TM4SF1: variants seen among roughly 807,000 people sequenced by gnomAD.
TM4SF1 encodes transmembrane 4 L6 family member 1.
In TM4SF1, 20 loss-of-function variants were observed where a neutral mutation model predicts 24.5. The observed-to-expected ratio is 0.82, with a 90% CI of 0.57 to 1.19. The LOEUF (loss-of-function observed/expected upper bound fraction) is 1.19, where lower values mean the gene tolerates loss of function less well. TM4SF1 is among the 50% of genes most tolerant of loss of function. The pLI is 0.00. For missense variants in TM4SF1, 258 were observed against 248.1 expected (o/e 1.04, Z -0.27); for synonymous variants, 107 against 95.4 (o/e 1.12, Z -0.71).
At position 149,369,755 on chromosome 3, in the gene TM4SF1, A is replaced by G; in HGVS notation, c.*111T>C. 7.3e-7 allele frequency: 1 copy of G among 1,365,224 alleles called. No individual in the cohort carries two copies. Among genetic ancestry groups the G allele is most frequent in the Non-Finnish European group, 1.0e-6 (1 of 982,866 alleles). 84.6% of individuals were successfully genotyped at this position (1,365,224 alleles called of 1,614,324 possible). On this transcript the variant is annotated 3_prime_UTR_variant, in exon 5 of 5. Transcript: ENST00000305366. ...TCTTTACAGGCGTTTGTAAAAGTAG[A>G]CTGTGGGGAGTATGTTACACTAATA...
intron 4 of TM4SF1, chr3:149,370,103 GAAAC>G: frequency 2.2e-6 from 1 of 459,948 alleles, no homozygotes; most frequent in Non-Finnish European, 3.8e-6. Flanking sequence ...AGGGCCCATA[GAAAC>G]TGCAGGATAC....
chr3:149,369,743 T>A lies in TM4SF1; in HGVS notation c.*123A>T. ...TGAAGATGCCAGTCTTTACAGGCGT[T>A]TGTAAAAGTAGACTGTGGGGAGTAT... On this transcript the variant is annotated 3_prime_UTR_variant, in exon 5 of 5. Coordinates refer to ENST00000305366, the MANE Select transcript of TM4SF1 (RefSeq NM_014220.3). The A allele has an allele frequency of 8.1e-7, 1 of 1,232,156 alleles. No homozygotes were observed. Among genetic ancestry groups the A allele is most frequent in the South Asian group, 1.4e-5 (1 of 72,670 alleles). 76.3% of individuals were successfully genotyped at this position (1,232,156 alleles called of 1,614,324 possible).
In TM4SF1 at chr3:149,377,449, C is replaced by T. The variant is rs2108380826; in HGVS notation, c.99G>A (p.Gly33=). The T allele has an allele frequency of 6.2e-7, 1 of 1,614,146 alleles. No homozygotes were observed. Among genetic ancestry groups the T allele is most frequent in the Non-Finnish European group, 8.5e-7 (1 of 1,180,030 alleles). The change falls in exon 1 of 5, where the codon GGG becomes GGA. Residue 33 remains glycine, a synonymous_variant. Transcript: ENST00000305366. ...AANILLYFPN[G]ETKYASENHL... ...GGTTTTCGGAGGCATACTTTGTTTC[C>T]CCATTGGGAAAGTAAAGCAAAATAT...
intron 4 of TM4SF1, chr3:149,370,882 TAA>T (rs1044545475): frequency 1.8e-4 from 28 of 152,252 alleles, no homozygotes; most frequent in Middle Eastern, 3.4e-3. Context: ...ATATAAGACA[TAA>T]AATAACCCTC....
intron 4 of TM4SF1, chr3:149,370,347 G>A (rs1731792345): frequency 6.4e-6 from 1 of 155,542 alleles, no homozygotes. Flanking sequence ...CTGGGAAGAA[G>A]CCATCCCTAC....
intron 3 of TM4SF1, among the ~76,000 whole-genome samples, chr3:149,374,405 C>A (rs554157888): frequency 5.9e-5 from 9 of 152,220 alleles, no homozygotes; most frequent in African/African-American, 2.2e-4. Context: ...TATTTTTAAT[C>A]ATGAATCTCA....
At chr3:149,371,899 G>C (rs757475596) in intron 3 of TM4SF1, 32 bp from the exon 4 acceptor site, 2 of 1,605,582 alleles carry the variant, frequency 1.2e-6, no homozygotes, top group Non-Finnish European at 1.7e-6. Flanking sequence ...TCTGACACAC[G>C]GTCATACTTG....
chr3:149,377,501 C>A lies in TM4SF1; in HGVS notation c.47G>T (p.Gly16Val), dbSNP rs760302476. 2 of 1,613,956 alleles carry A rather than the reference C, an allele frequency of 1.2e-6. No individual in the cohort carries two copies. Among genetic ancestry groups the A allele is most frequent in the Non-Finnish European group, 1.7e-6 (2 of 1,180,030 alleles). ...CARCIGHSLV[G>V]LALLCIAANI... is the part of the protein sequence containing the mutation. ...AGCCGCGATGCACAGGAGGGCGAGC[C>A]CCACCAGAGAATGTCCGATGCATCG... The change falls in exon 1 of 5, where the codon GGG (glycine) becomes GTG (valine). Residue 16 changes from glycine to valine, a missense_variant. Physicochemically the swap from Gly to Val is moderately radical, Grantham distance 109. Transcript: ENST00000305366.
In TM4SF1 at chr3:149,371,764, C is replaced by T. The variant is rs1228551029; in HGVS notation, c.517G>A (p.Glu173Lys). Reference sequence around the variant, plus strand: ...ACTTGAATAAGACACAAGATGAATTCAATTCCACCAAGAGCCAAGAGGATA... The same window carrying T: ...ACTTGAATAAGACACAAGATGAATTTAATTCCACCAAGAGCCAAGAGGATA... ...FSILLALGGI[E>K]FILCLIQVIN... is the part of the protein sequence containing the mutation. Residue 173 changes from glutamate (E) to lysine (K), a missense_variant, in exon 4 of 5, where the codon GAA becomes AAA. Physicochemically the swap from Glu to Lys is moderately conservative, Grantham distance 56. Transcript: ENST00000305366. 1.2e-6 allele frequency: 2 copies of T among 1,613,988 alleles called. No individual in the cohort carries two copies. Among genetic ancestry groups the T allele is most frequent in the African/African-American group, 1.3e-5 (1 of 74,900 alleles).
At chr3:149,377,260 A>C in intron 1 of TM4SF1, 111 bp downstream of exon 1, 1 of 1,386,412 alleles carries the variant, frequency 7.2e-7, no homozygotes, top group African/African-American at 1.4e-5. Context: ...AACAGCAACA[A>C]AAAAGTCACT....
rs115709295 is a variant in TM4SF1, at chr3:149,373,781, G to A, written c.413+1662C>T. Among the ~76,000 whole-genome samples, 433 of 152,294 alleles carry A rather than the reference G, an allele frequency of 2.8e-3. 2 individuals carry two copies. The highest frequency in any genetic ancestry group is 9.4e-3 in the African/African-American group (392 of 41,554). On this transcript the variant is annotated intron_variant, in intron 3 of 4. Coordinates refer to ENST00000305366, the MANE Select transcript of TM4SF1 (RefSeq NM_014220.3). Reference sequence around the variant, plus strand: ...ACATAGAAGAGGAGGAAGGTTTCTTGTAGAATCCAGAGTGGATAATGGGAG... The same window carrying A: ...ACATAGAAGAGGAGGAAGGTTTCTTATAGAATCCAGAGTGGATAATGGGAG...
chr3:149,373,955 AG>A (rs1731891940), intron 3 of TM4SF1, among the ~76,000 whole-genome samples: 1 of 152,238 alleles, frequency 6.6e-6, no homozygotes, highest in Non-Finnish European at 1.5e-5. Context: ...ATTTTCTACT[AG>A]TACATCCAGT....
Position 149,375,692 on chromosome 3 carries a change from G to A in TM4SF1, c.255C>T (p.Gly85=), listed in dbSNP as rs776570514. The change falls in exon 2 of 5, where the codon GGC becomes GGT. Residue 85 remains glycine (G), a synonymous_variant. Transcript: ENST00000305366. Reference sequence around the variant, plus strand: ...CAGGAGGACCTACCGCACATCGTTTGCCACAGTTTTCATGGCCACAGCAGC... The same window carrying A: ...CAGGAGGACCTACCGCACATCGTTTACCACAGTTTTCATGGCCACAGCAGC... ...CCGCCGHENC[G]KRCAMLSSVL... 4.3e-6 allele frequency: 7 copies of A among 1,614,068 alleles called. No individual in the cohort carries two copies. Among genetic ancestry groups the A allele is most frequent in the African/African-American group, 1.3e-5 (1 of 74,920 alleles).
rs1731769599 is a variant in TM4SF1, at chr3:149,369,535, A to G, written c.*331T>C. Reference sequence around the variant, plus strand: ...TAAAAAATACATGCACATATATACAATAGTGATTGGAATGTTATTTTTATC... The same window carrying G: ...TAAAAAATACATGCACATATATACAGTAGTGATTGGAATGTTATTTTTATC... On this transcript the variant is annotated 3_prime_UTR_variant, in exon 5 of 5. Coordinates refer to ENST00000305366, the MANE Select transcript of TM4SF1 (RefSeq NM_014220.3). 4.1e-6 allele frequency: 1 copy of G among 246,530 alleles called. No individual in the cohort carries two copies. Among genetic ancestry groups the G allele is most frequent in the African/African-American group, 2.3e-5 (1 of 43,090 alleles). 15.3% of individuals were successfully genotyped at this position (246,530 alleles called of 1,614,324 possible).
chr3:149,370,175 G>A (rs1405917524), intron 4 of TM4SF1: 2 of 280,742 alleles, frequency 7.1e-6, no homozygotes, highest in Non-Finnish European at 6.6e-6. Flanking sequence ...GGATTTAAAA[G>A]ATAATGCCAT....
At position 149,377,473 on chromosome 3, in the gene TM4SF1, A is replaced by G. The variant is rs1393352464; in HGVS notation, c.75T>C (p.Asn25=). 2 of 1,614,066 alleles carry G rather than the reference A, an allele frequency of 1.2e-6. No homozygotes were observed. Among genetic ancestry groups the G allele is most frequent in the Non-Finnish European group, 1.7e-6 (2 of 1,180,046 alleles). The change falls in exon 1 of 5, where the codon AAT becomes AAC. Residue 25 remains asparagine (N), a synonymous_variant. Coordinates refer to ENST00000305366, the MANE Select transcript of TM4SF1 (RefSeq NM_014220.3). The stretch of plus-strand genomic sequence containing the variant: ...CCCCATTGGGAAAGTAAAGCAAAAT[A>G]TTAGCCGCGATGCACAGGAGGGCGA... ...VGLALLCIAA[N]ILLYFPNGET... is the part of the protein sequence containing the mutation.
chr3:149,370,115 T>C (rs549714700), intron 4 of TM4SF1: 5 of 443,398 alleles, frequency 1.1e-5, no homozygotes, highest in Non-Finnish European at 2.0e-5. Flanking sequence ...AACTGCAGGA[T>C]ACTGATATTG....
At position 149,377,540 on chromosome 3, in the gene TM4SF1, T is replaced by C; in HGVS notation, c.8A>G (p.Tyr3Cys). 1.2e-6 allele frequency: 2 copies of C among 1,611,302 alleles called. No homozygotes were observed. The highest frequency in any genetic ancestry group is 1.1e-5 in the South Asian group (1 of 90,686). MC[Y>C]GKCARCIGHS... ...TCCGATGCATCGTGCACACTTCCCA[T>C]AGCACATGGTGGTCTGCTAGGTTTT... Residue 3 changes from tyrosine to cysteine, a missense_variant, in exon 1 of 5, where the codon TAT becomes TGT. Tyr to Cys is a radical substitution (Grantham distance 194, BLOSUM62 -2). Transcript: ENST00000305366.
chr3:149,369,852 C>G lies in TM4SF1; in HGVS notation c.*14G>C, dbSNP rs1463411079. ...AATAGAGGAAGATTGTGGCTCTGTC[C>G]TGGGTTGGTTCTTTTAGCAGTCATA... is the stretch of plus-strand genomic sequence containing the variant. On this transcript the variant is annotated 3_prime_UTR_variant, in exon 5 of 5. Coordinates refer to ENST00000305366, the MANE Select transcript of TM4SF1 (RefSeq NM_014220.3). The G allele has an allele frequency of 1.2e-6, 2 of 1,607,962 alleles. No individual in the cohort carries two copies. The highest frequency in any genetic ancestry group is 1.1e-5 in the South Asian group (1 of 89,388).
Sources: gnomAD v4.1 joint callset for allele counts (sites outside exome capture counted in the v4.1 genomes callset) on GRCh38, gnomAD v4.1.1 for gene constraint, MANE v1.5 for transcripts, NCBI Gene and HGNC (gene_info 2026-07-23, HGNC 2026-07-21) for gene names.